Variants in LRRK2 observed in about 807,000 individuals in gnomAD.
The protein encoded by LRRK2 is leucine-rich repeat serine/threonine-protein kinase 2.
A neutral mutation model predicts 302.6 loss-of-function variants in LRRK2; 203 were observed. The ratio of observed to expected loss-of-function variants is 0.67; its 90% CI spans 0.60 to 0.75. LRRK2 has a LOEUF of 0.75. Ranked by LOEUF, LRRK2 falls within the 30% of genes least tolerant of loss-of-function variation. The pLI, the probability that LRRK2 is intolerant of heterozygous loss-of-function variation, is 0.00. For missense variants in LRRK2, 2,830 were observed against 2,951.0 expected (o/e 0.96, Z 0.95); for synonymous variants, 1,066 against 1,031.9 (o/e 1.03, Z -0.63).
At position 40,243,557 on chromosome 12, in the gene LRRK2, T is replaced by A; in HGVS notation, c.714T>A (p.Asn238Lys). The A allele has an allele frequency of 6.2e-7, 1 of 1,611,440 alleles. No individual in the cohort carries two copies. The highest frequency in any genetic ancestry group is 8.5e-7 in the Non-Finnish European group (1 of 1,178,166). The change falls in exon 7 of 51, where the codon AAT (asparagine) becomes AAA (lysine). Residue 238 changes from asparagine to lysine, a missense_variant. Physicochemically the swap from Asn to Lys is moderately conservative, Grantham distance 94. Transcript: ENST00000298910. ...CLHSLAIPCN[N>K]VEVLMSGNVR... Reference sequence around the variant, plus strand: ...TGATCTCTTTAAATTCAGGCAATAATGTGGAAGTCCTCATGAGTGGCAATG... The same window carrying A: ...TGATCTCTTTAAATTCAGGCAATAAAGTGGAAGTCCTCATGAGTGGCAATG...
intron 34 of LRRK2, 92 bp downstream of exon 34, chr12:40,320,267 TTAAA>T (rs1945360259): frequency 5.0e-6 from 5 of 1,002,692 alleles, no homozygotes; most frequent in Admixed American, 2.4e-5. Context: ...AATAGATGTA[TTAAA>T]TAAATAAATA....
At chr12:40,271,189 A>G (rs1284351294) in intron 14 of LRRK2, among the ~76,000 whole-genome samples, 2 of 152,174 alleles carry the variant, frequency 1.3e-5, no homozygotes, top group Admixed American at 1.3e-4. Flanking sequence ...AGACTAATCC[A>G]GAGACCACTA....
chr12:40,322,590 T>A, intron 37 of LRRK2, 80 bp downstream of exon 37: 1 of 1,300,014 alleles, frequency 7.7e-7, no homozygotes, highest in Non-Finnish European at 1.1e-6. Context: ...ATGTAAATAT[T>A]CTTATCCATA....
At chr12:40,356,247 C>A (rs1361553842) in intron 46 of LRRK2, 60 bp downstream of exon 46, 2 of 1,153,358 alleles carry the variant, frequency 1.7e-6, no homozygotes, top group African/African-American at 1.5e-5. Flanking sequence ...TTATATATAT[C>A]TCACACCCCT....
At chr12:40,340,149 A>G (rs1234317163) in intron 40 of LRRK2, 145 bp from the exon 41 acceptor site, 2 of 763,008 alleles carry the variant, frequency 2.6e-6, no homozygotes, top group Non-Finnish European at 4.3e-6. Flanking sequence ...ATTTCCTTCT[A>G]CAATATCTCT....
At chr12:40,355,495 C>A (rs1374001500) in intron 45 of LRRK2, among the ~76,000 whole-genome samples, 1 of 141,940 alleles carries the variant, frequency 7.0e-6, no homozygotes, top group Non-Finnish European at 1.5e-5. Flanking sequence ...GGAATTCCTT[C>A]CTTCCTTCCA....
In LRRK2 at chr12:40,298,249, A is replaced by G. The variant is rs774333613; in HGVS notation, c.3103A>G (p.Lys1035Glu). 1 of 1,613,330 alleles carries G rather than the reference A, an allele frequency of 6.2e-7. No individual in the cohort carries two copies. Among genetic ancestry groups the G allele is most frequent in the African/African-American group, 1.3e-5 (1 of 75,040 alleles). ...SFPQQLCETL[K>E]SLTHLDLHSN... ...TAAACTATTGTCTTTTCAGACTCTG[A>G]AGAGTTTGACACATTTGGACTTGCA... Residue 1035 changes from lysine to glutamate, a missense_variant, in exon 24 of 51, where the codon AAG becomes GAG. This residue lies in a region of LRRK2 where 2,121 missense variants were observed against 2,148.0 expected (regional missense o/e 0.99). Transcript: ENST00000298910.
rs546973780 is a variant in LRRK2, at chr12:40,225,710, T to C, written c.237+70T>C. ...GAAGGAGACGTTTTACTGGCAATGT[T>C]AATATAGCCGAGAGTTCTTGGTTAT... On this transcript the variant is annotated intron_variant, in intron 2 of 50. Coordinates refer to ENST00000298910, the MANE Select transcript of LRRK2 (RefSeq NM_198578.4). The C allele has an allele frequency of 2.2e-6, 3 of 1,357,476 alleles. No individual in the cohort carries two copies. The East Asian group carries it at 7.1e-5, about 32-fold the overall frequency. The allele number at this position is 1,357,476 out of a possible 1,614,324, so 84.1% of individuals were successfully genotyped here. A position where few individuals can be genotyped will look rare whatever the true frequency, so the allele number is the denominator to read the frequency against.
chr12:40,257,921 G>A (rs1435009837), intron 12 of LRRK2, among the ~76,000 whole-genome samples: 1 of 151,518 alleles, frequency 6.6e-6, no homozygotes, highest in Non-Finnish European at 1.5e-5. Context: ...TGGTGGTGGG[G>A]CAGGGTGGGA....
At position 40,233,878 on chromosome 12, in the gene LRRK2, T is replaced by C. The variant is rs532687640; in HGVS notation, c.347+1495T>C. 3.3e-5 allele frequency among the ~76,000 whole-genome samples: 5 copies of C among 152,354 alleles called. No individual in the cohort carries two copies. In the East Asian group the frequency reaches 7.7e-4, roughly 23 times the overall value. On this transcript the variant is annotated intron_variant, in intron 3 of 50. Transcript: ENST00000298910. ...CATCCAGTCATTCATCTTCTATTCATTGAATGTTTTTGAAGCCTGTCCTCT... is the reference window on the plus strand; with the variant it reads ...CATCCAGTCATTCATCTTCTATTCACTGAATGTTTTTGAAGCCTGTCCTCT...
intron 4 of LRRK2, among the ~76,000 whole-genome samples, chr12:40,237,244 G>A (rs892600710): frequency 2.0e-5 from 3 of 152,152 alleles, no homozygotes; most frequent in African/African-American, 7.2e-5. Flanking sequence ...TCATACTAAG[G>A]ATCATGAGAA....
At chr12:40,256,469 G>A (rs1274201905) in intron 11 of LRRK2, among the ~76,000 whole-genome samples, 1 of 152,092 alleles carries the variant, frequency 6.6e-6, no homozygotes, top group Admixed American at 6.6e-5. Flanking sequence ...AACAAAAAAA[G>A]AGGAAAATTA....
chr12:40,251,123 G>C, intron 8 of LRRK2, 109 bp from the exon 9 acceptor site: 1 of 716,544 alleles, frequency 1.4e-6, no homozygotes, highest in East Asian at 2.8e-5. Context: ...TTCTCCTAAA[G>C]CACACCTCAT....
rs1031346789 is a variant in LRRK2, at chr12:40,261,164, A to G, written c.1543+1560A>G. ...AACAGATGTAATTTTACTTGAAAAT[A>G]TTATTGCATGTTTTATTGAATTTTA... is the stretch of plus-strand genomic sequence containing the variant. On this transcript the variant is annotated intron_variant, in intron 13 of 50. Coordinates refer to ENST00000298910, the MANE Select transcript of LRRK2 (RefSeq NM_198578.4). 5.9e-5 allele frequency among the ~76,000 whole-genome samples: 9 copies of G among 152,156 alleles called. 1 individual carries two copies.
chr12:40,293,977 C>T (rs1944270869), intron 21 of LRRK2, among the ~76,000 whole-genome samples: 1 of 150,682 alleles, frequency 6.6e-6, no homozygotes, highest in Non-Finnish European at 1.5e-5. Flanking sequence ...CTGAAAAGAG[C>T]CCAGGCTAGA....
At chr12:40,311,042 A>C (rs1945019814) in intron 31 of LRRK2, among the ~76,000 whole-genome samples, 2 of 151,810 alleles carry the variant, frequency 1.3e-5, no homozygotes, top group African/African-American at 4.8e-5. Flanking sequence ...TTTAACTGTT[A>C]TTTTTCCATT....
At chr12:40,342,639 C>A (rs1172490002) in intron 41 of LRRK2, among the ~76,000 whole-genome samples, 1 of 152,182 alleles carries the variant, frequency 6.6e-6, no homozygotes, top group Admixed American at 6.5e-5. Flanking sequence ...ACTACCATCA[C>A]CAAACTTTTT....
At chr12:40,251,164 A>C (rs896984709) in intron 8 of LRRK2, 68 bp from the exon 9 acceptor site, 6 of 1,065,550 alleles carry the variant, frequency 5.6e-6, no homozygotes, top group Non-Finnish European at 8.2e-6. Context: ...ATATGGACTT[A>C]GAGTTGGTCA....
chr12:40,264,496 G>A (rs143364623), intron 14 of LRRK2, among the ~76,000 whole-genome samples: 1,913 of 152,286 alleles, frequency 0.013, 54 homozygotes, highest in African/African-American at 0.041. Flanking sequence ...GCACGTGCCT[G>A]TAATCCCAGC....
Sources: allele counts gnomAD v4.1 joint callset (sites outside exome capture counted in the v4.1 genomes callset), GRCh38; gene constraint gnomAD v4.1.1; regional missense constraint gnomAD v4.1.1; transcripts MANE v1.5; gene names NCBI Gene and HGNC (gene_info 2026-07-23, HGNC 2026-07-21).